Variants in NRG3 observed in about 807,000 individuals in gnomAD.
NRG3 encodes neuregulin 3.
In NRG3, 31 loss-of-function variants were observed where a neutral mutation model predicts 66.9. That is an observed-to-expected ratio of 0.46 (90% CI 0.35 to 0.63). The LOEUF (loss-of-function observed/expected upper bound fraction) is 0.63, where lower values mean the gene tolerates loss of function less well. Among genes scored for constraint, NRG3 ranks in the 20% least tolerant of loss-of-function variants. The pLI is 0.00. For synonymous variants in NRG3, 393 were observed against 359.4 expected (o/e 1.09, Z -1.06); for missense variants, 910 against 878.9 (o/e 1.04, Z -0.45).
intron 1 of NRG3, among the ~76,000 whole-genome samples, chr10:82,038,520 A>T (rs1276195657): frequency 2.0e-5 from 3 of 152,150 alleles, no homozygotes; most frequent in Non-Finnish European, 4.4e-5. Context: ...TCAATTTCAG[A>T]CTACTAGAAG....
At chr10:82,374,198 A>G (rs1161760630) in intron 2 of NRG3, among the ~76,000 whole-genome samples, 1 of 152,168 alleles carries the variant, frequency 6.6e-6, no homozygotes, top group African/African-American at 2.4e-5. Flanking sequence ...GCAAAAGCTT[A>G]CACCCTTTCT....
intron 1 of NRG3, among the ~76,000 whole-genome samples, chr10:82,100,563 C>G (rs1034800591): frequency 6.6e-6 from 1 of 151,930 alleles, no homozygotes; most frequent in African/African-American, 2.4e-5. Context: ...AAGGAAGTTC[C>G]CATCTATTTT....
At chr10:82,516,636 G>C (rs898333595) in intron 2 of NRG3, among the ~76,000 whole-genome samples, 1 of 152,136 alleles carries the variant, frequency 6.6e-6, no homozygotes, top group Non-Finnish European at 1.5e-5. Context: ...GGTCTTTGAT[G>C]AAAGATTTTT....
intron 1 of NRG3, among the ~76,000 whole-genome samples, chr10:81,880,856 T>C (rs1283487451): frequency 1.3e-5 from 2 of 152,186 alleles, no homozygotes; most frequent in African/African-American, 4.8e-5. Context: ...GTGTGTTGGG[T>C]AAGGACAGAG....
chr10:82,716,406 A>T (rs1339771561), intron 2 of NRG3, among the ~76,000 whole-genome samples: 1 of 152,136 alleles, frequency 6.6e-6, no homozygotes, highest in Non-Finnish European at 1.5e-5. Context: ...CTGAATGCAG[A>T]TCTGTTAAGG....
intron 2 of NRG3, among the ~76,000 whole-genome samples, chr10:82,666,652 A>G (rs1057236363): frequency 1.3e-5 from 2 of 152,156 alleles, no homozygotes; most frequent in African/African-American, 4.8e-5. Context: ...ACATTGCCGT[A>G]TGGTTAATCC....
chr10:82,425,190 G>T (rs984142523), intron 2 of NRG3, among the ~76,000 whole-genome samples: 2 of 152,048 alleles, frequency 1.3e-5, no homozygotes, highest in African/African-American at 4.8e-5. Context: ...GCCAGCTGGG[G>T]TTACAGTAGG....
chr10:81,877,084 A>C (rs1469680074), intron 1 of NRG3, among the ~76,000 whole-genome samples: 5 of 152,158 alleles, frequency 3.3e-5, no homozygotes, highest in African/African-American at 1.2e-4. Context: ...GAAACATGTC[A>C]CCGTTAGAAT....
chr10:81,909,238 C>G (rs1186551370), intron 1 of NRG3, among the ~76,000 whole-genome samples: 1 of 151,214 alleles, frequency 6.6e-6, no homozygotes, highest in East Asian at 1.9e-4. Context: ...AAATTTCTTT[C>G]TTTTTTAAAA....
chr10:82,110,272 T>G (rs1346202065), intron 1 of NRG3, among the ~76,000 whole-genome samples: 1 of 152,050 alleles, frequency 6.6e-6, no homozygotes, highest in Non-Finnish European at 1.5e-5. Flanking sequence ...AGACTGGGCC[T>G]GATGAAGGAA....
intron 4 of NRG3, among the ~76,000 whole-genome samples, chr10:82,907,285 A>G (rs1564620784): frequency 6.6e-6 from 1 of 152,216 alleles, no homozygotes. Flanking sequence ...TTGACATTAT[A>G]CAGAAAAATT....
At chr10:82,324,125 AGGGTGCT>A (rs2081737086) in intron 1 of NRG3, among the ~76,000 whole-genome samples, 2 of 152,224 alleles carry the variant, frequency 1.3e-5, no homozygotes, top group Admixed American at 1.3e-4. Flanking sequence ...TCGGCTTCCC[AGGGTGCT>A]GGGATTACAG....
At chr10:82,884,168 A>T (rs755223649) in intron 4 of NRG3, among the ~76,000 whole-genome samples, 2 of 152,094 alleles carry the variant, frequency 1.3e-5, no homozygotes, top group Non-Finnish European at 2.9e-5. Flanking sequence ...TTGGGGGGAA[A>T]AAAAAGATGT....
At chr10:82,975,141 G>T (rs2132605303) in intron 7 of NRG3, among the ~76,000 whole-genome samples, 1 of 152,240 alleles carries the variant, frequency 6.6e-6, no homozygotes, top group Non-Finnish European at 1.5e-5. Flanking sequence ...ATTTTCCTGT[G>T]AAAAGAGCAT....
At chr10:82,152,977 TAC>T (rs1034847997) in intron 1 of NRG3, among the ~76,000 whole-genome samples, 2 of 152,122 alleles carry the variant, frequency 1.3e-5, no homozygotes, top group Non-Finnish European at 2.9e-5. Flanking sequence ...GATACTTTGA[TAC>T]ACACACGCGC....
intron 3 of NRG3, among the ~76,000 whole-genome samples, chr10:82,813,554 A>G (rs1451398542): frequency 6.6e-6 from 1 of 152,144 alleles, no homozygotes; most frequent in Non-Finnish European, 1.5e-5. Flanking sequence ...GCATTATAAC[A>G]TTGTAGTTGC....
chr10:82,631,588 G>GTTT (rs59620029), intron 2 of NRG3, among the ~76,000 whole-genome samples: 3 of 132,386 alleles, frequency 2.3e-5, no homozygotes, highest in African/African-American at 2.8e-5. Context: ...TTCAGCCGTG[G>GTTT]TTTTTTTTTT....
intron 2 of NRG3, among the ~76,000 whole-genome samples, chr10:82,571,218 ATAACT>A (rs780761857): frequency 3.8e-4 from 57 of 151,668 alleles, no homozygotes; most frequent in African/African-American, 6.5e-4. Context: ...TAACTTATAA[ATAACT>A]TATATTAATC....
chr10:82,662,946 T>A (rs1277423612), intron 2 of NRG3, among the ~76,000 whole-genome samples: 1 of 152,070 alleles, frequency 6.6e-6, no homozygotes, highest in African/African-American at 2.4e-5. Flanking sequence ...GTATTCCAGG[T>A]AGGAAGAAGA....
Sources: allele counts gnomAD v4.1 joint callset (sites outside exome capture counted in the v4.1 genomes callset), GRCh38; gene constraint gnomAD v4.1.1; transcripts MANE v1.5; gene names NCBI Gene and HGNC (gene_info 2026-07-23, HGNC 2026-07-21).